Variants in IQGAP1 observed in about 807,000 individuals in gnomAD.
IQGAP1 encodes the protein IQ motif containing GTPase activating protein 1.
In IQGAP1, 66 loss-of-function variants were observed where a neutral mutation model predicts 215.6. The observed-to-expected ratio is 0.31, with a 90% CI of 0.25 to 0.38. IQGAP1 has a LOEUF of 0.38. IQGAP1 is among the 10% of genes least tolerant of loss of function. The pLI is 1.00. For synonymous variants in IQGAP1, 772 were observed against 728.7 expected (o/e 1.06, Z -0.96); for missense variants, 1,712 against 1,997.1 (o/e 0.86, Z 2.72).
chr15:90,418,117 T>G (rs537948674), intron 2 of IQGAP1, among the ~76,000 whole-genome samples: 2 of 152,180 alleles, frequency 1.3e-5, no homozygotes, highest in Non-Finnish European at 2.9e-5. Flanking sequence ...AGGTGCTGAC[T>G]GGTATTCAGC....
At chr15:90,409,608 C>G (rs1964929300) in intron 2 of IQGAP1, among the ~76,000 whole-genome samples, 1 of 152,160 alleles carries the variant, frequency 6.6e-6, no homozygotes, top group African/African-American at 2.4e-5. Context: ...CTTACGAACT[C>G]AAGTGTTCTA....
intron 2 of IQGAP1, among the ~76,000 whole-genome samples, chr15:90,416,074 G>A (rs1965042842): frequency 6.6e-6 from 1 of 151,950 alleles, no homozygotes; most frequent in African/African-American, 2.4e-5. Context: ...CAACGTGCAG[G>A]TTTGTTACAT....
In IQGAP1 at chr15:90,500,761, A is replaced by G. The variant is rs998455976; in HGVS notation, c.*653A>G. ...TAAATTTCATTATCAAACTTGGGCA[A>G]TTCTGTTTGTGTAACTCCCCGACTA... On this transcript the variant is annotated 3_prime_UTR_variant, in exon 38 of 38. Transcript: ENST00000268182. The G allele has an allele frequency of 3.3e-5, 5 of 152,294 alleles. No homozygotes were observed. The highest frequency in any genetic ancestry group is 9.7e-5 in the African/African-American group (4 of 41,432). The allele number at this position is 152,294 out of a possible 1,614,324, so 9.4% of individuals were successfully genotyped here. A position where few individuals can be genotyped will look rare whatever the true frequency, so the allele number is the denominator to read the frequency against.
intron 33 of IQGAP1, among the ~76,000 whole-genome samples, chr15:90,488,725 A>G (rs1966163383): frequency 6.6e-6 from 1 of 152,172 alleles, no homozygotes; most frequent in Non-Finnish European, 1.5e-5. Context: ...AGATGTATAA[A>G]GGTGGAAAGG....
At position 90,487,512 on chromosome 15, in the gene IQGAP1, T is replaced by C; in HGVS notation, c.4178T>C (p.Val1393Ala). The change falls in exon 33 of 38, where the codon GTG becomes GCG. Residue 1393 changes from valine to alanine, a missense_variant. Val to Ala is a moderately conservative substitution (Grantham distance 64, BLOSUM62 0). Transcript: ENST00000268182. ...CGTTTCAGTACAAAACGTTTAATTG[T>C]GGATGTCATCCGGTTCCAGCCAGGA... ...TILLNTKRLI[V>A]DVIRFQPGET... The C allele has an allele frequency of 6.2e-7, 1 of 1,613,924 alleles. No individual in the cohort carries two copies. The highest frequency in any genetic ancestry group is 1.1e-5 in the South Asian group (1 of 91,072).
chr15:90,462,405 C>G (rs1965776508), intron 15 of IQGAP1, among the ~76,000 whole-genome samples: 1 of 152,168 alleles, frequency 6.6e-6, no homozygotes, highest in Non-Finnish European at 1.5e-5. Context: ...GGCAACTAAA[C>G]CAGCAGTGAC....
chr15:90,432,636 A>T, intron 4 of IQGAP1, among the ~76,000 whole-genome samples: 1 of 152,126 alleles, frequency 6.6e-6, no homozygotes, highest in East Asian at 1.9e-4. Flanking sequence ...ATATTGCCTT[A>T]CTGTCTCACA....
In IQGAP1 at chr15:90,472,168, C is replaced by T. The variant is rs1965914842; in HGVS notation, c.2179-672C>T. Reference sequence around the variant, plus strand: ...TGGTACACTTGTAGCCCCAGCTACTCAGGAGGTGAGGTGGGAGGATTGCTT... The same window carrying T: ...TGGTACACTTGTAGCCCCAGCTACTTAGGAGGTGAGGTGGGAGGATTGCTT... On this transcript the variant is annotated intron_variant, in intron 18 of 37. Transcript: ENST00000268182. 3.9e-5 allele frequency among the ~76,000 whole-genome samples: 6 copies of T among 152,144 alleles called. No individual in the cohort carries two copies. In the South Asian group the frequency reaches 1.2e-3, roughly 31 times the overall value.
intron 5 of IQGAP1, among the ~76,000 whole-genome samples, chr15:90,434,459 T>C (rs1422645183): frequency 2.0e-5 from 3 of 151,582 alleles, no homozygotes; most frequent in Non-Finnish European, 4.4e-5. Context: ...ATAATAATCA[T>C]AATAATAATA....
intron 35 of IQGAP1, 130 bp downstream of exon 35, chr15:90,492,841 T>A (rs769505127): frequency 1.6e-5 from 11 of 693,752 alleles, no homozygotes; most frequent in Non-Finnish European, 2.1e-5. Context: ...GTCTTTTATT[T>A]TACCTCTAAT....
chr15:90,397,868 TTTC>T (rs2151002048), intron 2 of IQGAP1: 1 of 98,524 alleles, frequency 1.0e-5, no homozygotes, highest in South Asian at 3.3e-4. Context: ...TCCTGAATTT[TTTC>T]TTTTCTTTTT....
rs1330003231 is a variant in IQGAP1, at chr15:90,467,578, C to T, written c.2164C>T (p.Arg722Trp). 6.8e-6 allele frequency: 11 copies of T among 1,608,834 alleles called. No homozygotes were observed. The highest frequency in any genetic ancestry group is 5.1e-5 in the Admixed American group (3 of 59,152). Reference sequence around the variant, plus strand: ...TGTGCAAAATTCTATGCAGCTTTCTCGGGAGGAGATCCAGGTAGGTTACCT... The same window carrying T: ...TGTGCAAAATTCTATGCAGCTTTCTTGGGAGGAGATCCAGGTAGGTTACCT... The part of the protein sequence containing the change: ...NFVQNSMQLS[R>W]EEIQSSISGV... Residue 722 changes from arginine to tryptophan, a missense_variant, in exon 18 of 38, where the codon CGG (arginine) becomes TGG (tryptophan). By Grantham distance (101) the Arg-to-Trp change is moderately radical. Coordinates refer to ENST00000268182, the MANE Select transcript of IQGAP1 (RefSeq NM_003870.4).
Position 90,474,698 on chromosome 15 carries a change from G to C in IQGAP1, c.2784+5G>C. 6.2e-7 allele frequency: 1 copy of C among 1,605,208 alleles called. No homozygotes were observed. Among genetic ancestry groups the C allele is most frequent in the African/African-American group, 1.3e-5 (1 of 74,838 alleles). ...AAAAATAAGATTACGTTGCAGGTAT[G>C]GCCCAGTGCCAGCGGGGGCCTTGGA... On this transcript the variant is annotated splice_donor_5th_base_variant and intron_variant, in intron 23 of 37. Transcript: ENST00000268182.
At chr15:90,404,431 A>G (rs1300400823) in intron 2 of IQGAP1, among the ~76,000 whole-genome samples, 1 of 152,162 alleles carries the variant, frequency 6.6e-6, no homozygotes, top group Non-Finnish European at 1.5e-5. Context: ...CATGTGTTTA[A>G]AAGCCATTTG....
At chr15:90,487,468 T>A (rs781215982) in intron 32 of IQGAP1, 27 bp from the exon 33 acceptor site, 1 of 1,559,316 alleles carries the variant, frequency 6.4e-7, no homozygotes, top group Non-Finnish European at 8.8e-7. Context: ...CTGGTAATAT[T>A]TAAATGCCTC....
chr15:90,483,098 G>A (rs1235185109), intron 28 of IQGAP1: 5 of 384,810 alleles, frequency 1.3e-5, no homozygotes, highest in Non-Finnish European at 2.4e-5. Context: ...TTTACCTTCT[G>A]AATCTGCTCT....
At chr15:90,395,262 C>T (rs1473828838) in intron 2 of IQGAP1, among the ~76,000 whole-genome samples, 1 of 151,830 alleles carries the variant, frequency 6.6e-6, no homozygotes, top group East Asian at 1.9e-4. Context: ...TATTTTTATC[C>T]TTTTGCCTGT....
chr15:90,444,275 GTGTGTATATA>G (rs1437143972), intron 9 of IQGAP1, among the ~76,000 whole-genome samples: 19 of 115,420 alleles, frequency 1.6e-4, no homozygotes, highest in African/African-American at 3.5e-4. Context: ...GTGTGTGTGT[GTGTGTATATA>G]TATATTTTTT....
intron 31 of IQGAP1, 36 bp from the exon 32 acceptor site, chr15:90,486,918 A>G (rs1484332394): frequency 2.5e-6 from 4 of 1,603,096 alleles, no homozygotes; most frequent in Admixed American, 1.7e-5. Context: ...TCCTCTCTTT[A>G]TTACGCTGAC....
Sources: gnomAD v4.1 joint callset for allele counts (sites outside exome capture counted in the v4.1 genomes callset) on GRCh38, gnomAD v4.1.1 for gene constraint, MANE v1.5 for transcripts, NCBI Gene and HGNC (gene_info 2026-07-23, HGNC 2026-07-21) for gene names.